Variants in GAS2 observed in about 807,000 individuals in gnomAD.
GAS2 encodes the protein growth arrest specific 2.
Under a neutral mutation model 37.5 loss-of-function variants are expected in GAS2, and 20 were observed. The observed-to-expected ratio is 0.53, with a 90% CI of 0.37 to 0.77. The LOEUF (loss-of-function observed/expected upper bound fraction) is 0.77. Ranked by LOEUF, GAS2 falls within the 30% of genes least tolerant of loss-of-function variation. The pLI is 0.00. For synonymous variants in GAS2, 144 were observed against 132.2 expected, an observed-to-expected ratio of 1.09 and a Z score of -0.61; for missense variants, 336 against 373.4, an observed-to-expected ratio of 0.90 and a Z score of 0.82.
At chr11:22,813,040 A>G (rs1006822830), downstream of GAS2, 5 of 152,560 alleles carry the variant, frequency 3.3e-5, no homozygotes, top group Non-Finnish European at 7.4e-5. Flanking sequence ...AAATCAAGTT[A>G]ATTTTCAAAT....
intron 7 of GAS2, among the ~76,000 whole-genome samples, chr11:22,790,423 T>C (rs1236813001): frequency 6.6e-6 from 1 of 152,208 alleles, no homozygotes; most frequent in Non-Finnish European, 1.5e-5. Context: ...TTTCTGTCCC[T>C]CTGCACCTGA....
chr11:22,756,313 A>T (rs1217928720), intron 7 of GAS2, among the ~76,000 whole-genome samples: 5 of 152,144 alleles, frequency 3.3e-5, no homozygotes, highest in African/African-American at 9.6e-5. Context: ...AAGAAAAGAA[A>T]AGAAAATGAA....
chr11:22,691,488 A>G (rs902361195), intron 3 of GAS2, among the ~76,000 whole-genome samples: 1 of 152,212 alleles, frequency 6.6e-6, no homozygotes, highest in African/African-American at 2.4e-5. Flanking sequence ...AGTATGGTAG[A>G]TGCAATAAAA....
intron 3 of GAS2, among the ~76,000 whole-genome samples, chr11:22,717,353 G>A (rs529033905): frequency 6.6e-6 from 1 of 152,176 alleles, no homozygotes; most frequent in East Asian, 1.9e-4. Flanking sequence ...AATACTTACA[G>A]CCAGCTGATC....
intron 1 of GAS2, among the ~76,000 whole-genome samples, chr11:22,649,865 C>T (rs1277705454): frequency 6.6e-6 from 1 of 151,912 alleles, no homozygotes; most frequent in Non-Finnish European, 1.5e-5. Context: ...TTTCAAAAAA[C>T]CAGCTCCTGG....
chr11:22,774,968 AAG>A (rs145755514), intron 7 of GAS2, among the ~76,000 whole-genome samples: 91 of 148,718 alleles, frequency 6.1e-4, no homozygotes, highest in Non-Finnish European at 6.7e-4. Context: ...AGATGAGGGG[AAG>A]AGAGAGAGAG....
chr11:22,764,410 A>G (rs1038760842), intron 7 of GAS2, among the ~76,000 whole-genome samples: 5 of 152,024 alleles, frequency 3.3e-5, no homozygotes, highest in African/African-American at 9.7e-5. Context: ...AATACAAAAA[A>G]TTAGCCGAGC....
At chr11:22,667,773 A>G (rs1204285411) in intron 1 of GAS2, among the ~76,000 whole-genome samples, 2 of 152,224 alleles carry the variant, frequency 1.3e-5, no homozygotes, top group African/African-American at 2.4e-5. Flanking sequence ...TCTAAAAACA[A>G]TTGAGGTTGG....
chr11:22,782,053 C>T (rs1352042663), intron 7 of GAS2, among the ~76,000 whole-genome samples: 1 of 152,142 alleles, frequency 6.6e-6, no homozygotes, highest in African/African-American at 2.4e-5. Context: ...TAATGAATAA[C>T]ATTTGCTGAT....
At chr11:22,691,494 TA>T (rs1850244455) in intron 3 of GAS2, among the ~76,000 whole-genome samples, 1 of 152,212 alleles carries the variant, frequency 6.6e-6, no homozygotes, top group African/African-American at 2.4e-5. Flanking sequence ...GTAGATGCAA[TA>T]AAAGGTTTTG....
At chr11:22,791,945 TTAGCTTAAAA>T (rs1451615628) in intron 7 of GAS2, among the ~76,000 whole-genome samples, 1 of 152,238 alleles carries the variant, frequency 6.6e-6, no homozygotes, top group Non-Finnish European at 1.5e-5. Context: ...ACATCATTTT[TTAGCTTAAAA>T]TACAAAAGGC....
intron 2 of GAS2, among the ~76,000 whole-genome samples, chr11:22,676,429 T>C (rs1351283770): frequency 6.6e-6 from 1 of 152,108 alleles, no homozygotes; most frequent in African/African-American, 2.4e-5. Context: ...TAGTGGAAAA[T>C]AAAAGTTAAG....
At chr11:22,678,299 TCTTACA>T (rs60322371) in intron 2 of GAS2, among the ~76,000 whole-genome samples, 93,938 of 151,058 alleles carry the variant, frequency 0.62, 30,324 homozygotes, top group East Asian at 0.8. Flanking sequence ...AAGATATTTT[TCTTACA>T]CTTAGATACA....
At chr11:22,793,929 G>T (rs137910097) in intron 7 of GAS2, among the ~76,000 whole-genome samples, 7 of 152,114 alleles carry the variant, frequency 4.6e-5, no homozygotes, top group African/African-American at 1.7e-4. Flanking sequence ...TGTGCCTAAG[G>T]TCAGAAGACT....
At chr11:22,684,779 T>C (rs1590629754) in intron 2 of GAS2, among the ~76,000 whole-genome samples, 1 of 152,134 alleles carries the variant, frequency 6.6e-6, no homozygotes, top group Non-Finnish European at 1.5e-5. Flanking sequence ...TGTTGCCCCA[T>C]GGCTGGTCTC....
intron 7 of GAS2, among the ~76,000 whole-genome samples, chr11:22,807,627 C>G (rs1370570821): frequency 6.6e-6 from 1 of 152,176 alleles, no homozygotes; most frequent in African/African-American, 2.4e-5. Flanking sequence ...TGTCCTATTG[C>G]TCTCTGCGTG....
intron 1 of GAS2, among the ~76,000 whole-genome samples, chr11:22,659,027 A>G (rs1351812181): frequency 6.6e-6 from 1 of 152,192 alleles, no homozygotes; most frequent in African/African-American, 2.4e-5. Flanking sequence ...GTATAGTTTT[A>G]AGGAGATGCA....
chr11:22,664,089 T>C (rs1848948056), upstream of GAS2, among the ~76,000 whole-genome samples: 2 of 152,186 alleles, frequency 1.3e-5, no homozygotes. Context: ...CTTTTGTCAT[T>C]TTTAACTGCT....
intron 2 of GAS2, among the ~76,000 whole-genome samples, 163 bp downstream of exon 2, chr11:22,675,177 G>A (rs1849367580): frequency 6.6e-6 from 1 of 152,202 alleles, no homozygotes; most frequent in South Asian, 2.1e-4. Flanking sequence ...GAAAATTTAA[G>A]TGAATTTCCC....
Sources: allele counts gnomAD v4.1 joint callset (sites outside exome capture counted in the v4.1 genomes callset), GRCh38; gene constraint gnomAD v4.1.1; transcripts MANE v1.5; gene names NCBI Gene and HGNC (gene_info 2026-07-23, HGNC 2026-07-21).